TBC1D8: variants seen among roughly 807,000 people sequenced by gnomAD.
The protein encoded by TBC1D8 is BUB2-like protein 1.
Under a neutral mutation model 118.8 loss-of-function variants are expected in TBC1D8, and 65 were observed. That is an observed-to-expected ratio of 0.55 (90% CI 0.45 to 0.67). TBC1D8 has a LOEUF of 0.67. TBC1D8 is among the 30% of genes least tolerant of loss of function. The pLI, the probability that TBC1D8 is intolerant of heterozygous loss-of-function variation, is 0.00. For missense variants in TBC1D8, 1,376 were observed against 1,471.2 expected, an observed-to-expected ratio of 0.94 and a Z score of 1.06; for synonymous variants, 566 against 595.8, an observed-to-expected ratio of 0.95 and a Z score of 0.73.
At chr2:101,069,422 A>G (rs949126101) in intron 2 of TBC1D8, among the ~76,000 whole-genome samples, 24 of 152,034 alleles carry the variant, frequency 1.6e-4, no homozygotes, top group Non-Finnish European at 3.4e-4. Flanking sequence ...TCCCGTCTCT[A>G]CTAAAAATAC....
At chr2:101,125,650 T>A (rs1338924547) in intron 1 of TBC1D8, among the ~76,000 whole-genome samples, 1 of 152,250 alleles carries the variant, frequency 6.6e-6, no homozygotes, top group African/African-American at 2.4e-5. Context: ...CCTGTCTTTT[T>A]ACACTTAACA....
rs1185225997 is a variant in TBC1D8 at position 101,008,131 on chromosome 2, C to T, written c.3158G>A (p.Gly1053Glu). The change falls in exon 20 of 20, where the codon GGA becomes GAA. Residue 1053 changes from glycine to glutamate, a missense_variant. Gly to Glu is a moderately conservative substitution (Grantham distance 98). Transcript: ENST00000409318. ...GEVGQRGSSS[G>E]SCSQECGEEL... ...CTCCCCACACTCCTGGGAGCAGCTT[C>T]CAGAGCTGCTGCCTCGCTGCCCCAC... is the stretch of plus-strand genomic sequence containing the variant. 1 of 1,613,790 alleles carries T rather than the reference C, an allele frequency of 6.2e-7. No individual in the cohort carries two copies. The highest frequency in any genetic ancestry group is 1.3e-5 in the African/African-American group (1 of 74,924).
intron 2 of TBC1D8, among the ~76,000 whole-genome samples, chr2:101,079,680 GTT>G (rs35466679): frequency 4.3e-4 from 35 of 81,802 alleles, no homozygotes; most frequent in African/African-American, 1.7e-3. Flanking sequence ...GTCCAGTCTG[GTT>G]TTTTTTTTTT....
At chr2:101,105,409 C>T (rs1446952637) in intron 1 of TBC1D8, among the ~76,000 whole-genome samples, 4 of 151,410 alleles carry the variant, frequency 2.6e-5, no homozygotes, top group African/African-American at 7.3e-5. Context: ...GTCAACATGG[C>T]GAAACCCTGT....
At chr2:101,100,256 C>A (rs1419815541) in intron 1 of TBC1D8, among the ~76,000 whole-genome samples, 1 of 152,078 alleles carries the variant, frequency 6.6e-6, no homozygotes, top group Non-Finnish European at 1.5e-5. Context: ...TGAACTCCCA[C>A]TCACTATCAC....
intron 9 of TBC1D8, 94 bp from the exon 10 acceptor site, chr2:101,033,852 G>A: frequency 7.2e-7 from 1 of 1,387,804 alleles, no homozygotes; most frequent in Non-Finnish European, 9.8e-7. Context: ...CCCCAGTGGG[G>A]TCTCGTTACT....
At chr2:101,056,651 T>C (rs1377989797) in intron 3 of TBC1D8, among the ~76,000 whole-genome samples, 1 of 152,208 alleles carries the variant, frequency 6.6e-6, no homozygotes, top group Non-Finnish European at 1.5e-5. Context: ...TTGAAAAGCA[T>C]ATCTAATATA....
At chr2:101,103,684 G>A (rs541069414) in intron 1 of TBC1D8, among the ~76,000 whole-genome samples, 12 of 152,146 alleles carry the variant, frequency 7.9e-5, no homozygotes, top group Admixed American at 5.9e-4. Context: ...GAGCCACCGC[G>A]CATGGCCAGA....
At chr2:101,013,316 T>C (rs563296564) in intron 17 of TBC1D8, among the ~76,000 whole-genome samples, 1 of 152,360 alleles carries the variant, frequency 6.6e-6, no homozygotes, top group African/African-American at 2.4e-5. Context: ...TTATGGGAAA[T>C]AGTAACTACT....
In TBC1D8 at chr2:101,050,608, T is replaced by A; in HGVS notation, c.665A>T (p.Lys222Ile). 1 of 1,614,024 alleles carries A rather than the reference T, an allele frequency of 6.2e-7. No homozygotes were observed. Among genetic ancestry groups the A allele is most frequent in the Admixed American group, 1.7e-5 (1 of 60,030 alleles). ...AAAGACATTGGACGTTCTTTCTAATTTCTGGATATCAACCCACGGAACCAC... is the reference window on the plus strand; with the variant it reads ...AAAGACATTGGACGTTCTTTCTAATATCTGGATATCAACCCACGGAACCAC... ...KLVVPWVDIQ[K>I]LERTSNVFLT... is the part of the protein sequence containing the mutation. The change falls in exon 5 of 20, where the codon AAA becomes ATA. Residue 222 changes from lysine (K) to isoleucine (I), a missense_variant. Physicochemically the swap from Lys to Ile is moderately radical, Grantham distance 102. Transcript: ENST00000409318.
At chr2:101,059,986 G>C (rs1205444220) in intron 2 of TBC1D8, among the ~76,000 whole-genome samples, 1 of 152,178 alleles carries the variant, frequency 6.6e-6, no homozygotes, top group Non-Finnish European at 1.5e-5. Context: ...CAGTTTGCCA[G>C]ATGAAAAGGA....
intron 1 of TBC1D8, among the ~76,000 whole-genome samples, chr2:101,100,792 G>C (rs1377266095): frequency 6.6e-6 from 1 of 152,136 alleles, no homozygotes; most frequent in East Asian, 1.9e-4. Context: ...ATCGGGAAAG[G>C]ATCTCCTACT....
At chr2:101,104,843 G>A (rs1028890336) in intron 1 of TBC1D8, among the ~76,000 whole-genome samples, 11 of 151,962 alleles carry the variant, frequency 7.2e-5, no homozygotes, top group African/African-American at 1.7e-4. Flanking sequence ...TGATAAAACC[G>A]TCTCTACTAA....
chr2:101,053,318 A>G (rs1267005606), intron 4 of TBC1D8, among the ~76,000 whole-genome samples: 1 of 152,214 alleles, frequency 6.6e-6, no homozygotes, highest in Non-Finnish European at 1.5e-5. Flanking sequence ...GATAGGGTGT[A>G]TATCCCAGAG....
chr2:101,043,628 C>T lies in TBC1D8; in HGVS notation c.873-3243G>A, dbSNP rs546580179. On this transcript the variant is annotated intron_variant, in intron 5 of 19. Transcript: ENST00000409318. ...ACTTGTATTTACATTTATTTTGCAC[C>T]GAATCCCTCAAATTAAGAATAAGGT... Among the ~76,000 whole-genome samples, 7 of 152,162 alleles carry T rather than the reference C, an allele frequency of 4.6e-5. No homozygotes were observed. In the East Asian group the frequency reaches 5.8e-4, roughly 13 times the overall value.
intron 2 of TBC1D8, chr2:101,068,684 C>T: frequency 2.5e-6 from 1 of 400,202 alleles, no homozygotes; most frequent in Non-Finnish European, 4.5e-6. Flanking sequence ...CTTTAGGGAA[C>T]AATCTGCCTT....
chr2:101,134,382 A>G (rs1678749588), intron 1 of TBC1D8, among the ~76,000 whole-genome samples: 1 of 152,190 alleles, frequency 6.6e-6, no homozygotes, highest in African/African-American at 2.4e-5. Flanking sequence ...TTTAATTCAA[A>G]GAAAGTAAAC....
At chr2:101,017,995 G>C in intron 17 of TBC1D8, 1 of 1,455,422 alleles carries the variant, frequency 6.9e-7, no homozygotes, top group African/African-American at 1.4e-5. Context: ...TCCAATGCTC[G>C]CAATTCTACT....
chr2:101,107,194 G>A (rs556285145), intron 1 of TBC1D8, among the ~76,000 whole-genome samples: 2 of 152,290 alleles, frequency 1.3e-5, no homozygotes, highest in East Asian at 3.9e-4. Flanking sequence ...AGATGGTAAT[G>A]AACTAGAGTC....
Sources: gnomAD v4.1 joint callset for allele counts (sites outside exome capture counted in the v4.1 genomes callset) on GRCh38, gnomAD v4.1.1 for gene constraint, MANE v1.5 for transcripts, NCBI Gene and HGNC (gene_info 2026-07-23, HGNC 2026-07-21) for gene names.